The following LEPR variants were observed in gnomAD, a reference collection of about 807,000 sequenced individuals.
LEPR encodes the protein OB receptor.
A neutral mutation model predicts 114.7 loss-of-function variants in LEPR; 56 were observed. That is an observed-to-expected ratio of 0.49 (90% CI 0.39 to 0.61). The LOEUF (loss-of-function observed/expected upper bound fraction) is 0.61, where lower values mean the gene tolerates loss of function less well. LEPR is among the 20% of genes least tolerant of loss of function. The pLI is 0.00. For missense variants in LEPR, 1,202 were observed against 1,352.9 expected (o/e 0.89, Z 1.75); for synonymous variants, 443 against 461.4 (o/e 0.96, Z 0.51).
At position 65,531,443 on chromosome 1, in the gene LEPR, T is replaced by C. The variant is rs187900544; in HGVS notation, c.-20-34103T>C. ...TTTCCTCCTTTCCTTTCCTTTCCTC[T>C]CTTCTCCTCTCCTCTCCTTTGTGTC... On this transcript the variant is annotated intron_variant, in intron 2 of 19. Transcript: ENST00000349533. Among the ~76,000 whole-genome samples the C allele has an allele frequency of 2.0e-5, 3 of 151,916 alleles. No homozygotes were observed. In the South Asian group the frequency reaches 6.3e-4, roughly 32 times the overall value.
At chr1:65,475,168 C>G (rs1647142726) in intron 2 of LEPR, among the ~76,000 whole-genome samples, 1 of 151,682 alleles carries the variant, frequency 6.6e-6, no homozygotes, top group African/African-American at 2.4e-5. Flanking sequence ...TTTTCAAGAA[C>G]ATTACTGAAT....
intron 11 of LEPR, among the ~76,000 whole-genome samples, chr1:65,608,307 T>C (rs959964583): frequency 6.6e-6 from 1 of 151,902 alleles, no homozygotes; most frequent in Admixed American, 6.6e-5. Context: ...CTCGGCTCAC[T>C]GCAAGCTTCA....
chr1:65,446,822 T>G (rs1646719938), intron 2 of LEPR, among the ~76,000 whole-genome samples: 1 of 152,170 alleles, frequency 6.6e-6, no homozygotes, highest in Admixed American at 6.5e-5. Context: ...AAGTTTAAAT[T>G]TTTGATAAAA....
chr1:65,531,714 T>G (rs1231869881), intron 2 of LEPR, among the ~76,000 whole-genome samples: 1 of 152,186 alleles, frequency 6.6e-6, no homozygotes, highest in African/African-American at 2.4e-5. Flanking sequence ...TCTATAAATA[T>G]AACACGTTAA....
chr1:65,594,670 A>G (rs964390996), intron 6 of LEPR, among the ~76,000 whole-genome samples: 3 of 152,222 alleles, frequency 2.0e-5, no homozygotes, highest in East Asian at 1.9e-4. Context: ...GAGGTTGGAC[A>G]TATGAGTCTA....
chr1:65,478,322 T>C (rs541317683), intron 2 of LEPR, among the ~76,000 whole-genome samples: 97 of 152,280 alleles, frequency 6.4e-4, no homozygotes, highest in African/African-American at 2.2e-3. Context: ...AATATAAATA[T>C]GGGAATCACA....
chr1:65,550,000 G>T (rs1244687576), intron 2 of LEPR, among the ~76,000 whole-genome samples: 3 of 152,148 alleles, frequency 2.0e-5, no homozygotes, highest in African/African-American at 7.2e-5. Flanking sequence ...TGGTGTGGAT[G>T]TCCTTTCTGT....
chr1:65,580,983 C>T (rs970242345), intron 5 of LEPR, among the ~76,000 whole-genome samples: 5 of 152,138 alleles, frequency 3.3e-5, no homozygotes, highest in African/African-American at 7.2e-5. Context: ...ATGAAGGGCC[C>T]TCCAGGTCAT....
intron 19 of LEPR, chr1:65,626,394 TA>T (rs1435104119): frequency 7.6e-6 from 6 of 788,494 alleles, no homozygotes; most frequent in Non-Finnish European, 9.2e-6. Flanking sequence ...TCTCTGGAAA[TA>T]TTTGACTTTC....
intron 2 of LEPR, among the ~76,000 whole-genome samples, chr1:65,512,936 T>G (rs1297537860): frequency 6.6e-6 from 1 of 152,202 alleles, no homozygotes; most frequent in Non-Finnish European, 1.5e-5. Context: ...GACTGTGTTC[T>G]TATATGCGGC....
intron 2 of LEPR, among the ~76,000 whole-genome samples, chr1:65,517,559 A>C (rs1649352449): frequency 6.6e-6 from 1 of 152,082 alleles, no homozygotes. Context: ...TGGTGGATCA[A>C]CTCTATTGCG....
rs373312385 is a variant in LEPR, at chr1:65,495,551, T to C, written c.-20-69995T>C. The stretch of plus-strand genomic sequence containing the variant: ...GATCCAGCAATCTCACTACTGGATA[T>C]TTATCCAAAGGAAAGGAAATTAGTA... On this transcript the variant is annotated intron_variant, in intron 2 of 19. Coordinates refer to ENST00000349533, the MANE Select transcript of LEPR (RefSeq NM_002303.6). 4.6e-5 allele frequency among the ~76,000 whole-genome samples: 7 copies of C among 152,190 alleles called. No homozygotes were observed. In the East Asian group the frequency reaches 9.6e-4, roughly 21 times the overall value.
chr1:65,546,588 C>T (rs1454776275), intron 2 of LEPR, among the ~76,000 whole-genome samples: 3 of 152,158 alleles, frequency 2.0e-5, no homozygotes, highest in African/African-American at 7.2e-5. Context: ...TGGGAGTTCA[C>T]TCATGATTTG....
chr1:65,553,820 G>A (rs961930978), intron 2 of LEPR, among the ~76,000 whole-genome samples: 3 of 152,108 alleles, frequency 2.0e-5, no homozygotes, highest in Non-Finnish European at 2.9e-5. Flanking sequence ...CTTTGTGCTC[G>A]TTTTTCCTCA....
intron 2 of LEPR, among the ~76,000 whole-genome samples, chr1:65,524,493 G>A (rs1649800933): frequency 6.6e-6 from 1 of 152,212 alleles, no homozygotes; most frequent in Admixed American, 6.5e-5. Flanking sequence ...TCCTATGAAG[G>A]AGAAGCTCCA....
intron 1 of LEPR, chr1:65,421,206 T>C: frequency 9.6e-7 from 1 of 1,042,252 alleles, no homozygotes; most frequent in Non-Finnish European, 1.3e-6. Flanking sequence ...CTGGGCAGAG[T>C]TGACCGCGGG....
intron 2 of LEPR, among the ~76,000 whole-genome samples, chr1:65,440,758 G>T: frequency 6.6e-6 from 1 of 152,222 alleles, no homozygotes; most frequent in South Asian, 2.1e-4. Flanking sequence ...GTAAGGCGTC[G>T]GCATTCATTT....
intron 2 of LEPR, among the ~76,000 whole-genome samples, chr1:65,518,913 C>CTTTCTTTCTTTCTT (rs1557636361): frequency 3.8e-5 from 3 of 79,550 alleles, no homozygotes; most frequent in African/African-American, 1.2e-4. Flanking sequence ...TTCTTTCTTT[C>CTTTCTTTCTTTCTT]TTTCTCTCTT....
chr1:65,442,318 C>T (rs546488249), intron 2 of LEPR, among the ~76,000 whole-genome samples: 2 of 152,304 alleles, frequency 1.3e-5, no homozygotes, highest in East Asian at 3.9e-4. Flanking sequence ...ATTCTTTCAA[C>T]CAACTGTCAA....
Sources: gnomAD v4.1 joint callset for allele counts (sites outside exome capture counted in the v4.1 genomes callset) on GRCh38, gnomAD v4.1.1 for gene constraint, MANE v1.5 for transcripts, NCBI Gene and HGNC (gene_info 2026-07-23, HGNC 2026-07-21) for gene names.